Variants in PLA2G5 observed in about 807,000 individuals in gnomAD.
PLA2G5 encodes Ca2+-dependent phospholipase A2.
In PLA2G5, 12 loss-of-function variants were observed where a neutral mutation model predicts 15.9. That is an observed-to-expected ratio of 0.76 (90% CI 0.48 to 1.23). PLA2G5 has a LOEUF of 1.23. Ranked by LOEUF, PLA2G5 falls within the 50% of genes most tolerant of loss-of-function variation. The pLI, the probability that PLA2G5 is intolerant of heterozygous loss-of-function variation, is 0.00. For synonymous variants in PLA2G5, 71 were observed against 71.4 expected (o/e 0.99, Z 0.03); for missense variants, 169 against 177.1 (o/e 0.95, Z 0.26).
intron 1 of PLA2G5, among the ~76,000 whole-genome samples, chr1:20,080,449 G>A (rs955418723): frequency 6.6e-6 from 1 of 152,148 alleles, no homozygotes; most frequent in Non-Finnish European, 1.5e-5. Context: ...AGGCGTAGTG[G>A]CATGCACCTG....
intron 2 of PLA2G5, among the ~76,000 whole-genome samples, 155 bp downstream of exon 2, chr1:20,085,025 C>T (rs1354747305): frequency 6.6e-6 from 1 of 152,186 alleles, no homozygotes; most frequent in Non-Finnish European, 1.5e-5. Context: ...CTTCATGCCT[C>T]CGAGCCTCTG....
At chr1:20,048,355 A>G (rs989910774) in intron 1 of PLA2G5, among the ~76,000 whole-genome samples, 1 of 152,190 alleles carries the variant, frequency 6.6e-6, no homozygotes, top group African/African-American at 2.4e-5. Flanking sequence ...TTTTATACAT[A>G]TCCCTACCAA....
At chr1:20,082,375 C>A (rs1039223739) in intron 1 of PLA2G5, among the ~76,000 whole-genome samples, 1 of 151,760 alleles carries the variant, frequency 6.6e-6, no homozygotes, top group African/African-American at 2.4e-5. Flanking sequence ...TGTACGCATG[C>A]TCCCTTGAGG....
At position 20,039,175 on chromosome 1, in the gene PLA2G5, G is replaced by A. The variant is rs924206345; in HGVS notation, n.276+10466G>A. Among the ~76,000 whole-genome samples the A allele has an allele frequency of 3.3e-5, 5 of 152,194 alleles. No homozygotes were observed. The East Asian group carries it at 5.8e-4, about 18-fold the overall frequency. On this transcript the variant is annotated intron_variant and non_coding_transcript_variant, in intron 1 of 6. Coordinates refer to the PLA2G5 transcript ENST00000460175. ...ATTCCCCAGCATCTTGTGACCGGAG[G>A]CCTGAATTGTAGCTGTGATTTTGCT... is the stretch of plus-strand genomic sequence containing the variant.
chr1:20,040,548 T>C (rs2013530043), intron 1 of PLA2G5, among the ~76,000 whole-genome samples: 1 of 150,476 alleles, frequency 6.6e-6, no homozygotes, highest in African/African-American at 2.5e-5. Flanking sequence ...TCATTGCTAG[T>C]GGGATGTCAT....
rs182978716 is a variant in PLA2G5, at chr1:20,090,718, C to G, written c.*26C>G. The G allele has an allele frequency of 8.9e-5, 144 of 1,612,566 alleles. No individual in the cohort carries two copies. In the East Asian group the frequency reaches 2.2e-3, roughly 25 times the overall value. ...GCCTCCCCAGCGAGCTCCTCCCAGA[C>G]CAAGACTTTTGTTCTGTTTTTCTAC... On this transcript the variant is annotated 3_prime_UTR_variant, in exon 5 of 5. Coordinates refer to ENST00000375108, the MANE Select transcript of PLA2G5 (RefSeq NM_000929.3).
chr1:20,069,719 C>T (rs2015245882), upstream of PLA2G5, among the ~76,000 whole-genome samples: 3 of 143,344 alleles, frequency 2.1e-5, no homozygotes, highest in African/African-American at 2.7e-5. Context: ...AAGAAAGAAA[C>T]CAGATTAAAG....
chr1:20,079,768 C>T (rs1192065501), intron 1 of PLA2G5, among the ~76,000 whole-genome samples: 1 of 152,126 alleles, frequency 6.6e-6, no homozygotes, highest in Non-Finnish European at 1.5e-5. Flanking sequence ...AGTGACTTGC[C>T]CAGGGTCACA....
intron 1 of PLA2G5, among the ~76,000 whole-genome samples, chr1:20,072,558 C>T (rs1162677356): frequency 1.3e-5 from 2 of 152,254 alleles, no homozygotes; most frequent in East Asian, 1.9e-4. Flanking sequence ...GCCTTCACAT[C>T]CAGCTTATTC....
intron 1 of PLA2G5, among the ~76,000 whole-genome samples, chr1:20,079,002 C>T (rs1004343773): frequency 2.6e-5 from 4 of 151,034 alleles, no homozygotes; most frequent in South Asian, 2.1e-4. Flanking sequence ...CTCAGCTACT[C>T]GAGAGGCAGA....
intron 1 of PLA2G5, among the ~76,000 whole-genome samples, chr1:20,036,709 A>G (rs2013265016): frequency 6.6e-6 from 1 of 152,086 alleles, no homozygotes; most frequent in Non-Finnish European, 1.5e-5. Flanking sequence ...CTTGTTGCCC[A>G]GGCTGGAGTT....
chr1:20,058,383 T>C (rs2014543590), intron 1 of PLA2G5, among the ~76,000 whole-genome samples: 1 of 152,220 alleles, frequency 6.6e-6, no homozygotes, highest in South Asian at 2.1e-4. Flanking sequence ...TAAATGCCCC[T>C]CTTTATTCCG....
chr1:20,079,448 C>T (rs572798865), intron 1 of PLA2G5, among the ~76,000 whole-genome samples: 6 of 152,254 alleles, frequency 3.9e-5, no homozygotes, highest in African/African-American at 1.4e-4. Context: ...GTGATGTTAC[C>T]CACTGGGCCA....
upstream of PLA2G5, among the ~76,000 whole-genome samples, chr1:20,067,222 T>C (rs2015080807): frequency 6.6e-6 from 1 of 152,132 alleles, no homozygotes; most frequent in Non-Finnish European, 1.5e-5. Flanking sequence ...CTCCGAGTCC[T>C]GGGCTCAAGT....
intron 2 of PLA2G5, among the ~76,000 whole-genome samples, chr1:20,061,586 CAAAAAAAAAAA>C (rs35346493): frequency 5.9e-5 from 4 of 67,754 alleles, no homozygotes; most frequent in South Asian, 1.2e-3. Flanking sequence ...ACCCTGTCTC[CAAAAAAAAAAA>C]AAAAAAAAAA....
At chr1:20,078,637 T>A (rs2015829748) in intron 1 of PLA2G5, among the ~76,000 whole-genome samples, 1 of 152,156 alleles carries the variant, frequency 6.6e-6, no homozygotes, top group Non-Finnish European at 1.5e-5. Context: ...AGTAGACACT[T>A]CATAAATATT....
chr1:20,046,387 GA>G (rs1017500614), intron 1 of PLA2G5, among the ~76,000 whole-genome samples: 1 of 152,054 alleles, frequency 6.6e-6, no homozygotes, highest in African/African-American at 2.4e-5. Flanking sequence ...TGCAAAAGAG[GA>G]AAAAACAAAC....
chr1:20,077,019 C>T (rs547082090), intron 1 of PLA2G5: 1 of 152,330 alleles, frequency 6.6e-6, no homozygotes, highest in South Asian at 2.1e-4. Flanking sequence ...GGCTTTAGCC[C>T]TGGGGCGAGC....
At chr1:20,069,002 T>C (rs768649186), upstream of PLA2G5, 13 of 1,183,246 alleles carry the variant, frequency 1.1e-5, no homozygotes, top group South Asian at 1.4e-4. Flanking sequence ...AACAGACCAT[T>C]CGTTGAAGAA....
Sources: allele counts gnomAD v4.1 joint callset (sites outside exome capture counted in the v4.1 genomes callset), GRCh38; gene constraint gnomAD v4.1.1; transcripts MANE v1.5; gene names NCBI Gene and HGNC (gene_info 2026-07-23, HGNC 2026-07-21).